Variants in MADD observed in about 807,000 individuals in gnomAD.
MADD encodes MAP kinase activating death domain.
In MADD, 109 loss-of-function variants were observed where a neutral mutation model predicts 176.7. That is an observed-to-expected ratio of 0.62 (90% CI 0.53 to 0.72). The LOEUF (loss-of-function observed/expected upper bound fraction) is 0.72, where lower values mean the gene tolerates loss of function less well. Ranked by LOEUF, MADD falls within the 30% of genes least tolerant of loss-of-function variation. The pLI, the probability that MADD is intolerant of heterozygous loss-of-function variation, is 0.00. For synonymous variants in MADD, 771 were observed against 771.3 expected (o/e 1.00, Z 0.01); for missense variants, 1,914 against 2,045.5 (o/e 0.94, Z 1.24).
At chr11:47,274,846 T>A (rs1284821939) in exon 3 of MADD, 3 of 1,614,028 alleles carry the variant, frequency 1.9e-6, no homozygotes, top group Non-Finnish European at 2.5e-6. Flanking sequence ...TGGGGCAGGG[T>A]CCCGTGGGAA....
chr11:47,296,201 C>G, intron 22 of MADD, 146 bp downstream of exon 24: 1 of 963,838 alleles, frequency 1.0e-6, no homozygotes, highest in East Asian at 2.6e-5. Flanking sequence ...TTAAGGAAAA[C>G]ATTTCTTAAG....
chr11:47,294,458 G>A (rs1841015904), intron 20 of MADD, among the ~76,000 whole-genome samples: 1 of 151,788 alleles, frequency 6.6e-6, no homozygotes, highest in Admixed American at 6.6e-5. Flanking sequence ...GAGGTCAGGA[G>A]TTGGAGTTGG....
At chr11:47,277,432 A>G (rs1029897430) in intron 5 of MADD, among the ~76,000 whole-genome samples, 1 of 152,182 alleles carries the variant, frequency 6.6e-6, no homozygotes, top group Non-Finnish European at 1.5e-5. Flanking sequence ...AGCTGGGATT[A>G]CAGGCACTGC....
chr11:47,321,678 AAG>A (rs1436063810), intron 27 of MADD, among the ~76,000 whole-genome samples: 1 of 152,178 alleles, frequency 6.6e-6, no homozygotes, highest in Non-Finnish European at 1.5e-5. Flanking sequence ...GACTTGAAGA[AAG>A]AGTAAGAGTT....
intron 22 of MADD, among the ~76,000 whole-genome samples, chr11:47,298,348 A>G (rs1414378229): frequency 1.3e-5 from 2 of 152,244 alleles, no homozygotes; most frequent in Non-Finnish European, 2.9e-5. Flanking sequence ...CTTCAGCCGC[A>G]TAACTGTGAA....
intron 26 of MADD, among the ~76,000 whole-genome samples, chr11:47,314,669 T>A (rs2092100600): frequency 6.6e-6 from 1 of 152,178 alleles, no homozygotes; most frequent in African/African-American, 2.4e-5. Flanking sequence ...ATACGTCTAT[T>A]TATCTGAAAA....
intron 31 of MADD, chr11:47,327,890 C>G (rs1004988401): frequency 1.3e-5 from 13 of 985,222 alleles, no homozygotes; most frequent in Middle Eastern, 5.2e-4. Context: ...ACTCCTTCCT[C>G]TGGCCAAGCA....
At chr11:47,296,284 C>G (rs1044756992) in intron 22 of MADD, among the ~76,000 whole-genome samples, 4 of 152,152 alleles carry the variant, frequency 2.6e-5, no homozygotes, top group Non-Finnish European at 5.9e-5. Context: ...ATGAGTTAGG[C>G]TCCGTGCCCA....
At chr11:47,269,656 C>T (rs865841625), upstream of MADD, 4 of 151,342 alleles carry the variant, frequency 2.6e-5, no homozygotes, top group Non-Finnish European at 5.9e-5. Context: ...TAACCGCGGC[C>T]GCGCGCCCCC....
intron 30 of MADD, 125 bp from the exon 34 acceptor site, chr11:47,326,419 T>C (rs1264497368): frequency 1.7e-6 from 1 of 594,654 alleles, no homozygotes; most frequent in Non-Finnish European, 2.3e-6. Context: ...CACTGTGTCT[T>C]ACAAGCACTG....
At chr11:47,279,365 A>G (rs1591955639) in intron 7 of MADD, among the ~76,000 whole-genome samples, 1 of 148,854 alleles carries the variant, frequency 6.7e-6, no homozygotes, top group Non-Finnish European at 1.5e-5. Context: ...CTATGGCTTC[A>G]GAACATTTTC....
rs139657045 is a variant in MADD, at chr11:47,290,653, C to T, written c.3138C>T (p.Thr1046=). ...GAAGTCCAACAGAAAGTGTAAATAC[C>T]CCAGTTGGCAAGGATCCTGGCCTAG... The change falls in exon 19 of 33, where the codon ACC becomes ACT. Residue 1046 remains threonine (T), a synonymous_variant. Coordinates refer to ENST00000402192, the Ensembl canonical transcript of MADD. 26 of 1,613,882 alleles carry T rather than the reference C, an allele frequency of 1.6e-5. No individual in the cohort carries two copies. The East Asian group carries it at 3.1e-4, about 19-fold the overall frequency.
At chr11:47,283,866 C>T (rs1189390541) in intron 10 of MADD, among the ~76,000 whole-genome samples, 1 of 152,236 alleles carries the variant, frequency 6.6e-6, no homozygotes, top group Non-Finnish European at 1.5e-5. Flanking sequence ...AGCCACTGCA[C>T]CCGGCTACTT....
intron 21 of MADD, 87 bp downstream of exon 23, chr11:47,295,666 T>C (rs2070827698): frequency 6.3e-7 from 1 of 1,592,562 alleles, no homozygotes; most frequent in Non-Finnish European, 8.6e-7. Context: ...TGGAGGCTGC[T>C]CTGAGTCTCA....
intron 1 of MADD, chr11:47,270,945 A>G (rs1187052693): frequency 2.6e-5 from 4 of 152,276 alleles, no homozygotes; most frequent in African/African-American, 9.6e-5. Context: ...GAGATGTCAT[A>G]TCGCTCTCTG....
chr11:47,311,735 A>G, exon 26 of MADD: 1 of 1,605,420 alleles, frequency 6.2e-7, no homozygotes, highest in East Asian at 2.2e-5. Context: ...TTTTCAGGTA[A>G]ATAAGAATGA....
chr11:47,323,237 CAAA>C (rs11341336), intron 27 of MADD, among the ~76,000 whole-genome samples: 6 of 108,926 alleles, frequency 5.5e-5, no homozygotes, highest in Non-Finnish European at 7.5e-5. Flanking sequence ...GACTCCATCT[CAAA>C]AAAAAAAAAA....
chr11:47,285,702 G>A (rs1198121712), intron 14 of MADD, 112 bp downstream of exon 14: 11 of 1,452,570 alleles, frequency 7.6e-6, no homozygotes, highest in Non-Finnish European at 9.5e-6. Context: ...GTTGGCATTA[G>A]CAAGCCCTAA....
chr11:47,272,143 G>T (rs1647970939), intron 1 of MADD: 2 of 152,168 alleles, frequency 1.3e-5, no homozygotes, highest in African/African-American at 4.8e-5. Flanking sequence ...ATTGTTATGG[G>T]CCTTGGCTGA....
Sources: allele counts gnomAD v4.1 joint callset (sites outside exome capture counted in the v4.1 genomes callset), GRCh38; gene constraint gnomAD v4.1.1; transcripts MANE v1.5; gene names NCBI Gene and HGNC (gene_info 2026-07-23, HGNC 2026-07-21).